GBGT1: variants seen among roughly 807,000 people sequenced by gnomAD.
GBGT1 encodes the protein globoside alpha-1,3-N-acetylgalactosaminyltransferase 1 (FORS blood group).
Under a neutral mutation model 20.9 loss-of-function variants are expected in GBGT1, and 18 were observed. That is an observed-to-expected ratio of 0.86 (90% confidence interval 0.60 to 1.28). The LOEUF (loss-of-function observed/expected upper bound fraction) is 1.28. Among genes scored for constraint, GBGT1 ranks in the 50% most tolerant of loss-of-function variants. The pLI, the probability that GBGT1 is intolerant of heterozygous loss-of-function variation, is 0.00. For missense variants in GBGT1, 432 were observed against 455.7 expected, an observed-to-expected ratio of 0.95 and a Z score of 0.47; for synonymous variants, 168 against 180.8, an observed-to-expected ratio of 0.93 and a Z score of 0.57.
At chr9:133,155,439 CAT>C (rs985370594) in intron 5 of GBGT1, 127 bp from the exon 6 acceptor site, 2 of 1,109,200 alleles carry the variant, frequency 1.8e-6, no homozygotes, top group African/African-American at 1.5e-5. Context: ...TCCCTTTCCT[CAT>C]ATGGAAAGTG....
rs895186904 is a variant in GBGT1 at position 133,154,539 on chromosome 9, T to A, written c.360-278A>T. ...TAAGTGCCCAGCGACGTTCTAAGAATTCTTATGATCTTTGATCTGCATAAG... is the reference window on the plus strand; with the variant it reads ...TAAGTGCCCAGCGACGTTCTAAGAAATCTTATGATCTTTGATCTGCATAAG... On this transcript the variant is annotated intron_variant, in intron 6 of 6. Transcript: ENST00000372040. The surrounding 1 kb of genome is among the most constrained non-coding windows in gnomAD (Gnocchi z 4.2). 8 of 333,886 alleles carry A rather than the reference T, an allele frequency of 2.4e-5. No homozygotes were observed. The highest frequency in any genetic ancestry group is 3.8e-5 in the Non-Finnish European group (7 of 183,560). 20.7% of individuals were successfully genotyped at this position (333,886 alleles called of 1,614,324 possible). A position where few individuals can be genotyped will look rare whatever the true frequency, so the allele number is the denominator to read the frequency against.
chr9:133,155,879 C>T, intron 5 of GBGT1, 22 bp downstream of exon 5: 3 of 1,613,478 alleles, frequency 1.9e-6, no homozygotes, highest in Non-Finnish European at 2.5e-6. Context: ...CCGCCCCCAT[C>T]AGGCCTCTCC....
Position 133,163,795 on chromosome 9 carries a change from C to A in GBGT1, c.-162G>T, listed in dbSNP as rs1488344021. On this transcript the variant is annotated 5_prime_UTR_variant, in exon 1 of 7. Transcript: ENST00000372040. ...GGCGTTAGGACGGTTGGAGGGGCGC[C>A]ACCCCGGCGCGGAAAACGGACTCAG... 2 of 152,530 alleles carry A rather than the reference C, an allele frequency of 1.3e-5. No individual in the cohort carries two copies. The highest frequency in any genetic ancestry group is 2.4e-5 in the African/African-American group (1 of 41,484). 9.4% of individuals were successfully genotyped at this position (152,530 alleles called of 1,614,324 possible). A position where few individuals can be genotyped will look rare whatever the true frequency, so the allele number is the denominator to read the frequency against.
At chr9:133,155,147 C>G (rs1832832346) in intron 6 of GBGT1, 31 bp downstream of exon 6, 1 of 1,599,146 alleles carries the variant, frequency 6.3e-7, no homozygotes, top group African/African-American at 1.3e-5. Flanking sequence ...CTCAGGGAGA[C>G]CTCCCTCCCC....
chr9:133,155,581 C>T (rs902226910), intron 5 of GBGT1, among the ~76,000 whole-genome samples: 2 of 152,240 alleles, frequency 1.3e-5, no homozygotes, highest in Non-Finnish European at 1.5e-5. Flanking sequence ...GGCAAGACCA[C>T]GTTGTTATGA....
intron 3 of GBGT1, among the ~76,000 whole-genome samples, chr9:133,157,851 A>G (rs909996691): frequency 1.3e-5 from 2 of 152,214 alleles, no homozygotes; most frequent in African/African-American, 4.8e-5. Context: ...CGAGGTGCAG[A>G]GAAGGGAAAG....
intron 2 of GBGT1, 85 bp downstream of exon 2, chr9:133,162,257 A>G (rs1833074044): frequency 3.1e-5 from 16 of 523,790 alleles, no homozygotes; most frequent in South Asian, 2.7e-4. Flanking sequence ...GGGGATAGAG[A>G]CAGGGGGAGT....
At position 133,154,307 on chromosome 9, in the gene GBGT1, C is replaced by G. The variant is rs1236931880; in HGVS notation, c.360-46G>C. The G allele has an allele frequency of 7.8e-7, 1 of 1,275,906 alleles. No homozygotes were observed. Among genetic ancestry groups the G allele is most frequent in the African/African-American group, 1.5e-5 (1 of 67,280 alleles). 79.0% of individuals were successfully genotyped at this position (1,275,906 alleles called of 1,614,324 possible). A position where few individuals can be genotyped will look rare whatever the true frequency, so the allele number is the denominator to read the frequency against. On this transcript the variant is annotated intron_variant, in intron 6 of 6. Coordinates refer to ENST00000372040, the MANE Select transcript of GBGT1 (RefSeq NM_021996.6). The surrounding 1 kb of genome is among the most constrained non-coding windows in gnomAD (Gnocchi z 4.2). ...ACCCACTGCTACACCAGCAGCCTGCCAGGGTCCCCACTGTGTGCTGGGGTC... is the reference window on the plus strand; with the variant it reads ...ACCCACTGCTACACCAGCAGCCTGCGAGGGTCCCCACTGTGTGCTGGGGTC...
chr9:133,160,103 A>G, intron 3 of GBGT1: 1 of 311,124 alleles, frequency 3.2e-6, no homozygotes, highest in Non-Finnish European at 6.7e-6. Flanking sequence ...CAACCTGGCC[A>G]ACATGATGAA....
Position 133,155,227 on chromosome 9 carries a change from A to T in GBGT1, c.310T>A (p.Tyr104Asn). 1.2e-6 allele frequency: 2 copies of T among 1,613,768 alleles called. No individual in the cohort carries two copies. Among genetic ancestry groups the T allele is most frequent in the Non-Finnish European group, 1.7e-6 (2 of 1,179,934 alleles). The change falls in exon 6 of 7, where the codon TAC (tyrosine) becomes AAC (asparagine). Residue 104 changes from tyrosine to asparagine, a missense_variant. Physicochemically the swap from Tyr to Asn is moderately radical, Grantham distance 143. Coordinates refer to ENST00000372040, the MANE Select transcript of GBGT1 (RefSeq NM_021996.6). Reference protein sequence around the residue: ...TFNPELLQHIYQPLNLTIGVT... With the variant: ...TFNPELLQHINQPLNLTIGVT... ...CCAATGGTCAGGTTCAGTGGCTGGT[A>T]GATGTGCTGCAGAAGCTCTGGGTTG...
At chr9:133,160,881 G>A (rs1248019940) in intron 3 of GBGT1, among the ~76,000 whole-genome samples, 1 of 152,002 alleles carries the variant, frequency 6.6e-6, no homozygotes, top group Non-Finnish European at 1.5e-5. Context: ...ATGGTGGCGG[G>A]TGCCTGTAAT....
In GBGT1 at chr9:133,156,125, C is replaced by T. The variant is rs775473685; in HGVS notation, c.138-60G>A. 5 of 1,595,156 alleles carry T rather than the reference C, an allele frequency of 3.1e-6. No homozygotes were observed. The African/African-American group carries it at 5.4e-5, about 17-fold the overall frequency. ...GGTCTGGGGACAGAGACACTCAGCA[C>T]AGGAAGAAGGAGGAGTCAGAGGCCC... is the stretch of plus-strand genomic sequence containing the variant. On this transcript the variant is annotated intron_variant, in intron 3 of 6. Transcript: ENST00000372040.
Position 133,153,574 on chromosome 9 carries a change from T to C in GBGT1, c.*3A>G, listed in dbSNP as rs1832772257. The C allele has an allele frequency of 6.6e-7, 1 of 1,522,788 alleles. No individual in the cohort carries two copies. Among genetic ancestry groups the C allele is most frequent in the Non-Finnish European group, 8.8e-7 (1 of 1,133,448 alleles). The allele number at this position is 1,522,788 out of a possible 1,614,324, so 94.3% of individuals were successfully genotyped here. ...CCATCCATGGCAACCCCCAGCTCCG[T>C]GGTCAGCTCCTCAGGCAGCTGATAT... On this transcript the variant is annotated 3_prime_UTR_variant, in exon 7 of 7. Coordinates refer to ENST00000372040, the MANE Select transcript of GBGT1 (RefSeq NM_021996.6).
chr9:133,156,176 G>A, intron 3 of GBGT1, 111 bp from the exon 4 acceptor site: 1 of 1,199,740 alleles, frequency 8.3e-7, no homozygotes, highest in Non-Finnish European at 1.2e-6. Flanking sequence ...CAGGGTCCAT[G>A]CAGGCTCCCT....
chr9:133,154,916 AG>A lies in GBGT1; in HGVS notation c.359+261del. On this transcript the variant is annotated intron_variant, in intron 6 of 6. Coordinates refer to ENST00000372040, the MANE Select transcript of GBGT1 (RefSeq NM_021996.6). The surrounding 1 kb of genome is among the most constrained non-coding windows in gnomAD (Gnocchi z 4.2). ...GGTCTAGATGAAACAGGGAGGGGCA[AG>A]GGGGCCTCCTGACAAAGGCTCCTGC... is the stretch of plus-strand genomic sequence containing the variant. 7.0e-6 allele frequency: 3 copies of A among 429,360 alleles called. No homozygotes were observed. The highest frequency in any genetic ancestry group is 3.6e-5 in the East Asian group (1 of 27,580). 26.6% of individuals were successfully genotyped at this position (429,360 alleles called of 1,614,324 possible). A position where few individuals can be genotyped will look rare whatever the true frequency, so the allele number is the denominator to read the frequency against.
At chr9:133,157,634 A>G (rs1832910467) in intron 3 of GBGT1, among the ~76,000 whole-genome samples, 1 of 152,240 alleles carries the variant, frequency 6.6e-6, no homozygotes, top group South Asian at 2.1e-4. Flanking sequence ...GTCAGTTTCA[A>G]GGTCAAACTG....
rs1304180189 is a variant in GBGT1 at position 133,154,890 on chromosome 9, G to A, written c.359+288C>T. ...CATGGGAGAGACAAGGGCAGAGGAGGGGTCTAGATGAAACAGGGAGGGGCA... is the reference window on the plus strand; with the variant it reads ...CATGGGAGAGACAAGGGCAGAGGAGAGGTCTAGATGAAACAGGGAGGGGCA... On this transcript the variant is annotated intron_variant, in intron 6 of 6. Transcript: ENST00000372040. This position sits in a 1 kb window ranked among gnomAD's most constrained non-coding sequence, Gnocchi z 4.2. The A allele has an allele frequency of 2.8e-6, 1 of 363,208 alleles. No homozygotes were observed. The highest frequency in any genetic ancestry group is 5.0e-6 in the Non-Finnish European group (1 of 200,760). 22.5% of individuals were successfully genotyped at this position (363,208 alleles called of 1,614,324 possible).
chr9:133,155,164 A>C lies in GBGT1; in HGVS notation c.359+14T>G, dbSNP rs750896507. The C allele has an allele frequency of 2.5e-6, 4 of 1,611,520 alleles. No individual in the cohort carries two copies. The African/African-American group carries it at 5.3e-5, about 22-fold the overall frequency. On this transcript the variant is annotated intron_variant, in intron 6 of 6. Transcript: ENST00000372040. ...CAGGGAGACCTCCCTCCCCTTCCCC[A>C]GCCCACTACTCACTTCCCCACGGCA...
At chr9:133,159,027 C>T (rs1051685793) in intron 3 of GBGT1, among the ~76,000 whole-genome samples, 22 of 151,818 alleles carry the variant, frequency 1.4e-4, no homozygotes, top group African/African-American at 5.3e-4. Flanking sequence ...GTGGTGTGAT[C>T]TTGGCTCACT....
Sources: gnomAD v4.1 joint callset for allele counts (sites outside exome capture counted in the v4.1 genomes callset) on GRCh38, gnomAD v4.1.1 for gene constraint, Gnocchi (gnomAD v3.1) non-coding constraint, MANE v1.5 for transcripts, NCBI Gene and HGNC (gene_info 2026-07-23, HGNC 2026-07-21) for gene names.